The following PKD2L1 variants were observed in gnomAD, a reference collection of about 807,000 sequenced individuals.
The protein encoded by PKD2L1 is polycystin-2-like protein 1.
In PKD2L1, 77 loss-of-function variants were observed where a neutral mutation model predicts 93.0. The ratio of observed to expected loss-of-function variants is 0.83; its 90% CI spans 0.69 to 1.00. PKD2L1 has a LOEUF of 1.00. Ranked by LOEUF, PKD2L1 falls within the 50% of genes least tolerant of loss-of-function variation. PKD2L1 has a pLI of 0.00. For missense variants in PKD2L1, 977 were observed against 990.9 expected (o/e 0.99, Z 0.19); for synonymous variants, 390 against 388.0 (o/e 1.01, Z -0.06).
intron 2 of PKD2L1, among the ~76,000 whole-genome samples, chr10:100,318,397 A>G (rs1189143375): frequency 6.6e-6 from 1 of 152,136 alleles, no homozygotes; most frequent in Non-Finnish European, 1.5e-5. Context: ...CAAGAGGCAG[A>G]GCTTGTGCTC....
At position 100,294,945 on chromosome 10, in the gene PKD2L1, C is replaced by A; in HGVS notation, c.1535G>T (p.Cys512Phe). The change falls in exon 8 of 16, where the codon TGC becomes TTC. Residue 512 changes from cysteine to phenylalanine, a missense_variant. Transcript: ENST00000318222. ...GTGAAGGGGACAGGACACACACATG[C>A]ACTTGATGAAAGTGCTAAAGTTTTC... is the stretch of plus-strand genomic sequence containing the variant. ...QVENFSTFIK[C>F]IFTQFRIILG... 4 of 1,612,328 alleles carry A rather than the reference C, an allele frequency of 2.5e-6. No homozygotes were observed. Among genetic ancestry groups the A allele is most frequent in the Non-Finnish European group, 2.5e-6 (3 of 1,179,054 alleles).
chr10:100,315,422 C>T (rs141065520), intron 2 of PKD2L1, among the ~76,000 whole-genome samples: 1,695 of 152,182 alleles, frequency 0.011, 13 homozygotes, highest in Non-Finnish European at 0.018. Context: ...CCTCTCCCTC[C>T]CCTTGCCCCC....
chr10:100,318,068 A>G (rs575451), intron 2 of PKD2L1, among the ~76,000 whole-genome samples: 26,773 of 151,824 alleles, frequency 0.18, 2,776 homozygotes, highest in South Asian at 0.38. Flanking sequence ...CGATAGAGCA[A>G]GACTCTGTCT....
intron 7 of PKD2L1, among the ~76,000 whole-genome samples, chr10:100,295,764 G>A (rs952500068): frequency 1.3e-4 from 19 of 150,228 alleles, no homozygotes; most frequent in African/African-American, 9.8e-5. Context: ...AGTCAGGGGC[G>A]GTGGCTCATG....
intron 2 of PKD2L1, among the ~76,000 whole-genome samples, chr10:100,321,707 G>A (rs1223208444): frequency 4.3e-4 from 2 of 4,676 alleles, no homozygotes; most frequent in Non-Finnish European, 9.7e-4. Flanking sequence ...AAGAAAGAAA[G>A]AAAGAAAGAA....
intron 8 of PKD2L1, 24 bp downstream of exon 8, chr10:100,294,918 G>A: frequency 6.3e-7 from 1 of 1,596,906 alleles, no homozygotes; most frequent in African/African-American, 1.3e-5. Context: ...GGCCAGGGAG[G>A]AGTGAAGGGG....
chr10:100,291,907 C>G lies in PKD2L1; in HGVS notation c.1881-480G>C, dbSNP rs577744897. Reference sequence around the variant, plus strand: ...TCTCCTGCTATGACCACCACCTGTCCCCGCCCCTTTATTTAATACTTAGCA... The same window carrying G: ...TCTCCTGCTATGACCACCACCTGTCGCCGCCCCTTTATTTAATACTTAGCA... On this transcript the variant is annotated intron_variant, in intron 11 of 15. Coordinates refer to ENST00000318222, the MANE Select transcript of PKD2L1 (RefSeq NM_016112.3). Among the ~76,000 whole-genome samples the G allele has an allele frequency of 7.2e-5, 11 of 152,108 alleles. No homozygotes were observed. The East Asian group carries it at 2.1e-3, about 30-fold the overall frequency.
In PKD2L1 at chr10:100,294,541, C is replaced by CACGAAGAAG; in HGVS notation, c.1644_1652dup (p.Phe549_Val551dup). On this transcript the variant is annotated inframe_insertion, in exon 9 of 16. Transcript: ENST00000318222. ...CCCTCAGAGAGACCCTCACCAGGAG[C>CACGAAGAAG]ACGAAGAAGACGAAGAAGACATAGG... 6.2e-7 allele frequency: 1 copy of CACGAAGAAG among 1,613,950 alleles called. No individual in the cohort carries two copies. Among genetic ancestry groups the CACGAAGAAG allele is most frequent in the Non-Finnish European group, 8.5e-7 (1 of 1,179,998 alleles).
chr10:100,312,222 A>G (rs1208132234), intron 2 of PKD2L1, among the ~76,000 whole-genome samples: 2 of 152,236 alleles, frequency 1.3e-5, no homozygotes, highest in South Asian at 2.1e-4. Context: ...CAGAGACTAC[A>G]ACTGAGAGAA....
At chr10:100,294,416 C>G in intron 9 of PKD2L1, 119 bp downstream of exon 9, 1 of 1,066,082 alleles carries the variant, frequency 9.4e-7, no homozygotes, top group Middle Eastern at 2.9e-4. Flanking sequence ...ACATCGGCCC[C>G]CCCACTCACT....
chr10:100,314,638 C>T (rs1263480678), intron 2 of PKD2L1, among the ~76,000 whole-genome samples: 1 of 152,150 alleles, frequency 6.6e-6, no homozygotes, highest in East Asian at 1.9e-4. Context: ...GCGGACGTTC[C>T]ACCTCACAGA....
intron 11 of PKD2L1, 143 bp from the exon 12 acceptor site, chr10:100,291,570 C>G (rs1356711446): frequency 2.7e-6 from 2 of 751,334 alleles, no homozygotes; most frequent in East Asian, 5.4e-5. Context: ...ATCTTACCCC[C>G]AGGAAAACAC....
chr10:100,300,450 T>C (rs1358622756), intron 2 of PKD2L1, among the ~76,000 whole-genome samples: 1 of 152,162 alleles, frequency 6.6e-6, no homozygotes, highest in African/African-American at 2.4e-5. Context: ...TCATGCACCC[T>C]AACACATCCA....
rs1848488992 is a variant in PKD2L1, at chr10:100,294,884, C to T, written c.1538+58G>A. 4 of 1,483,652 alleles carry T rather than the reference C, an allele frequency of 2.7e-6. No individual in the cohort carries two copies. In the Admixed American group the frequency reaches 5.6e-5, roughly 21 times the overall value. 91.9% of individuals were successfully genotyped at this position (1,483,652 alleles called of 1,614,324 possible). A position where few individuals can be genotyped will look rare whatever the true frequency, so the allele number is the denominator to read the frequency against. On this transcript the variant is annotated intron_variant, in intron 8 of 15. Transcript: ENST00000318222. Reference sequence around the variant, plus strand: ...TACCCATCTTCCCCAAGGATACATACACCCGTGGAGCTGGAGGGTGAGGGG... The same window carrying T: ...TACCCATCTTCCCCAAGGATACATATACCCGTGGAGCTGGAGGGTGAGGGG...
intron 2 of PKD2L1, among the ~76,000 whole-genome samples, chr10:100,314,549 A>C (rs558279656): frequency 5.3e-5 from 8 of 152,276 alleles, no homozygotes; most frequent in African/African-American, 1.9e-4. Flanking sequence ...GTGCATCCAG[A>C]GATCCTCCTT....
At chr10:100,329,792 C>T in intron 1 of PKD2L1, 77 bp downstream of exon 1, 4 of 1,007,778 alleles carry the variant, frequency 4.0e-6, no homozygotes, top group Non-Finnish European at 6.1e-6. Flanking sequence ...ACATTCCACC[C>T]CCACCCCCTG....
At chr10:100,300,169 G>T (rs747962204) in intron 2 of PKD2L1, among the ~76,000 whole-genome samples, 1 of 152,122 alleles carries the variant, frequency 6.6e-6, no homozygotes, top group Non-Finnish European at 1.5e-5. Flanking sequence ...TCAAGGCCTT[G>T]GCCAAACACC....
At chr10:100,305,160 G>A (rs1848769567) in intron 2 of PKD2L1, among the ~76,000 whole-genome samples, 1 of 148,900 alleles carries the variant, frequency 6.7e-6, no homozygotes, top group African/African-American at 2.5e-5. Flanking sequence ...CACCCAGGCT[G>A]GAGTGCAGTG....
At position 100,329,210 on chromosome 10, in the gene PKD2L1, C is replaced by A; in HGVS notation, c.349+1G>T. The A allele has an allele frequency of 6.2e-7, 1 of 1,613,894 alleles. No individual in the cohort carries two copies. The highest frequency in any genetic ancestry group is 8.5e-7 in the Non-Finnish European group (1 of 1,179,770). The stretch of plus-strand genomic sequence containing the variant: ...TGTACACAAACACAGATGCTACTCA[C>A]GTAGACAGATGTCCACCAGGAACAC... On this transcript the variant is annotated splice_donor_variant, in intron 2 of 15. Transcript: ENST00000318222. LOFTEE classifies it high-confidence loss of function.
Sources: gnomAD v4.1 joint callset for allele counts (sites outside exome capture counted in the v4.1 genomes callset) on GRCh38, gnomAD v4.1.1 for gene constraint, MANE v1.5 for transcripts, NCBI Gene and HGNC (gene_info 2026-07-23, HGNC 2026-07-21) for gene names.